TMEM131L: variants seen among roughly 807,000 people sequenced by gnomAD.
TMEM131L encodes transmembrane 131 like.
In TMEM131L, 54 loss-of-function variants were observed where a neutral mutation model predicts 192.2. The ratio of observed to expected loss-of-function variants is 0.28; its 90% CI spans 0.23 to 0.35. TMEM131L has a LOEUF of 0.35. Among genes scored for constraint, TMEM131L ranks in the 10% least tolerant of loss-of-function variants. The pLI, the probability that TMEM131L is intolerant of heterozygous loss-of-function variation, is 1.00. For synonymous variants in TMEM131L, 701 were observed against 704.9 expected (o/e 0.99, Z 0.09); for missense variants, 1,888 against 1,972.9 (o/e 0.96, Z 0.82).
chr4:153,590,430 G>A (rs1032412446), intron 16 of TMEM131L, among the ~76,000 whole-genome samples: 11 of 152,280 alleles, frequency 7.2e-5, no homozygotes, highest in African/African-American at 1.2e-4. Flanking sequence ...GAGTTGAGTC[G>A]CTTGGTTTAG....
At chr4:153,579,976 C>T (rs138650397) in intron 7 of TMEM131L, among the ~76,000 whole-genome samples, 60 of 152,240 alleles carry the variant, frequency 3.9e-4, no homozygotes, top group South Asian at 2.7e-3. Context: ...TGCCTTCTTA[C>T]CTTGCCAAGA....
At position 153,612,327 on chromosome 4, in the gene TMEM131L, C is replaced by A. The variant is rs753894313; in HGVS notation, c.3494C>A (p.Ser1165Tyr). ...TTGAAGAAGGTGGACACAAAGCCTT[C>A]TTCAGAAAAGAAGATTCACAAAACA... is the stretch of plus-strand genomic sequence containing the variant. ...ENLKKVDTKPSSEKKIHKTSR... is the reference protein window; with the variant it reads ...ENLKKVDTKPYSEKKIHKTSR... Residue 1165 changes from serine to tyrosine, a missense_variant, in exon 26 of 35, where the codon TCT becomes TAT. By Grantham distance (144) the Ser-to-Tyr change is moderately radical. Coordinates refer to ENST00000409959, the MANE Select transcript of TMEM131L (RefSeq NM_001131007.2). 2.2e-5 allele frequency: 35 copies of A among 1,601,120 alleles called. No individual in the cohort carries two copies. The highest frequency in any genetic ancestry group is 2.8e-5 in the Non-Finnish European group (33 of 1,175,744).
Position 153,635,449 on chromosome 4 carries a change from A to G in TMEM131L, c.4435A>G (p.Asn1479Asp). 3 of 1,614,020 alleles carry G rather than the reference A, an allele frequency of 1.9e-6. No individual in the cohort carries two copies. The highest frequency in any genetic ancestry group is 2.5e-6 in the Non-Finnish European group (3 of 1,179,866). ...CTTTGTAGAAAACATGAACTATGCC[A>G]ATGGCTTCCCCTGTCCTGCAGATGT... ...AFPEENMNYA[N>D]GFPCPADVQT... Residue 1479 changes from asparagine (N) to aspartate (D), a missense_variant, in exon 34 of 35, where the codon AAT (asparagine) becomes GAT (aspartate). Coordinates refer to ENST00000409959, the MANE Select transcript of TMEM131L (RefSeq NM_001131007.2).
Position 153,587,528 on chromosome 4 carries a change from A to G in TMEM131L, c.1483-214A>G, listed in dbSNP as rs139812432. Among the ~76,000 whole-genome samples the G allele has an allele frequency of 8.5e-4, 130 of 152,160 alleles. No homozygotes were observed. The South Asian group carries it at 0.011, about 12-fold the overall frequency. ...CCAAGGGTCATTATTGTCATTGATTATTGTGCCTGCAGAAGCCACTCAGTG... is the reference window on the plus strand; with the variant it reads ...CCAAGGGTCATTATTGTCATTGATTGTTGTGCCTGCAGAAGCCACTCAGTG... On this transcript the variant is annotated intron_variant, in intron 14 of 34. Transcript: ENST00000409959.
chr4:153,563,444 C>T (rs575457618), intron 7 of TMEM131L, among the ~76,000 whole-genome samples: 23 of 140,400 alleles, frequency 1.6e-4, no homozygotes, highest in Middle Eastern at 3.8e-3. Flanking sequence ...AGTGAGAAAA[C>T]GGATATGTAC....
At chr4:153,474,976 G>C (rs767464629) in intron 3 of TMEM131L, among the ~76,000 whole-genome samples, 11 of 149,828 alleles carry the variant, frequency 7.3e-5, no homozygotes, top group Non-Finnish European at 1.3e-4. Context: ...AACTTGCAAG[G>C]ACTACGCTTC....
intron 3 of TMEM131L, among the ~76,000 whole-genome samples, chr4:153,516,010 C>T (rs1000994885): frequency 4.0e-5 from 6 of 151,620 alleles, no homozygotes; most frequent in African/African-American, 7.3e-5. Flanking sequence ...GGATTATAGA[C>T]GTGAGCCACT....
chr4:153,521,613 C>T (rs1735116724), intron 3 of TMEM131L, among the ~76,000 whole-genome samples: 1 of 152,084 alleles, frequency 6.6e-6, no homozygotes, highest in Non-Finnish European at 1.5e-5. Flanking sequence ...CAACTATCGC[C>T]ACCATCCGTC....
At chr4:153,483,635 G>A (rs1732101328) in intron 3 of TMEM131L, among the ~76,000 whole-genome samples, 1 of 152,210 alleles carries the variant, frequency 6.6e-6, no homozygotes, top group South Asian at 2.1e-4. Context: ...TGAGGTTGCC[G>A]TGAGCTGTGA....
At position 153,537,791 on chromosome 4, in the gene TMEM131L, C is replaced by T. The variant is rs560099206; in HGVS notation, c.240-12282C>T. Among the ~76,000 whole-genome samples, 5 of 152,276 alleles carry T rather than the reference C, an allele frequency of 3.3e-5. No homozygotes were observed. In the East Asian group the frequency reaches 9.7e-4, roughly 29 times the overall value. On this transcript the variant is annotated intron_variant, in intron 3 of 34. Coordinates refer to ENST00000409959, the MANE Select transcript of TMEM131L (RefSeq NM_001131007.2). ...CCAGTAGGTTTCAGCCTCGTTTTAC[C>T]CAGCTCCTATTTAAGATGGAGTTGC...
chr4:153,543,685 G>A (rs1470098701), intron 3 of TMEM131L, among the ~76,000 whole-genome samples: 1 of 152,250 alleles, frequency 6.6e-6, no homozygotes, highest in African/African-American at 2.4e-5. Flanking sequence ...GGTCCCAGGA[G>A]GTAGCAGCTG....
At chr4:153,485,444 G>A (rs1224993072) in intron 3 of TMEM131L, among the ~76,000 whole-genome samples, 2 of 152,200 alleles carry the variant, frequency 1.3e-5, no homozygotes, top group Non-Finnish European at 2.9e-5. Context: ...GAAGTGCCCA[G>A]ATACCCACTG....
chr4:153,539,349 A>T (rs1736589387), intron 3 of TMEM131L, among the ~76,000 whole-genome samples: 1 of 152,190 alleles, frequency 6.6e-6, no homozygotes, highest in African/African-American at 2.4e-5. Context: ...GGGTTATATT[A>T]TATAAGTGAG....
intron 3 of TMEM131L, among the ~76,000 whole-genome samples, chr4:153,484,440 TG>T (rs1349949021): frequency 1.3e-5 from 2 of 151,914 alleles, no homozygotes; most frequent in Non-Finnish European, 2.9e-5. Context: ...GTAGTAGGGA[TG>T]TAGTTTTTAT....
chr4:153,504,335 A>AGTGGT (rs1733836255), intron 3 of TMEM131L, among the ~76,000 whole-genome samples: 2 of 115,114 alleles, frequency 1.7e-5, no homozygotes, highest in Non-Finnish European at 1.6e-5. Flanking sequence ...GCTGCAGTGC[A>AGTGGT]GTGGTGTGAT....
intron 3 of TMEM131L, among the ~76,000 whole-genome samples, chr4:153,511,566 C>T (rs898235480): frequency 1.3e-5 from 2 of 152,014 alleles, no homozygotes; most frequent in African/African-American, 4.8e-5. Context: ...TATATCGAAC[C>T]CCCATGACAC....
At chr4:153,633,125 A>G in intron 32 of TMEM131L, 1 of 280,252 alleles carries the variant, frequency 3.6e-6, no homozygotes, top group Non-Finnish European at 6.8e-6. Flanking sequence ...TTTGAAAAAA[A>G]AACACTCATA....
chr4:153,608,112 C>A (rs565212711), intron 25 of TMEM131L, among the ~76,000 whole-genome samples: 1 of 151,874 alleles, frequency 6.6e-6, no homozygotes, highest in South Asian at 2.1e-4. Context: ...TGAGTGAGAC[C>A]CTGTCTCAAA....
At chr4:153,475,485 T>G (rs1048628091) in intron 3 of TMEM131L, among the ~76,000 whole-genome samples, 2 of 152,228 alleles carry the variant, frequency 1.3e-5, no homozygotes, top group Non-Finnish European at 2.9e-5. Flanking sequence ...TGGGTAATGT[T>G]CACATCAACC....
Sources: allele counts gnomAD v4.1 joint callset (sites outside exome capture counted in the v4.1 genomes callset), GRCh38; gene constraint gnomAD v4.1.1; transcripts MANE v1.5; gene names NCBI Gene and HGNC (gene_info 2026-07-23, HGNC 2026-07-21).